The following DLG2 variants were observed in gnomAD, a reference collection of about 807,000 sequenced individuals.
DLG2 encodes the protein discs large MAGUK scaffold protein 2.
DLG2 carries 45 observed loss-of-function variants against 132.5 expected under a neutral mutation model. The observed-to-expected ratio is 0.34, with a 90% CI of 0.27 to 0.44. DLG2 has a LOEUF of 0.44. Ranked by LOEUF, DLG2 falls within the 20% of genes least tolerant of loss-of-function variation. DLG2 has a pLI of 1.00. For synonymous variants in DLG2, 424 were observed against 419.6 expected, an observed-to-expected ratio of 1.01 and a Z score of -0.13; for missense variants, 1,045 against 1,196.9, an observed-to-expected ratio of 0.87 and a Z score of 1.87.
chr11:85,312,384 C>T (rs2080369425), intron 3 of DLG2, among the ~76,000 whole-genome samples: 1 of 150,308 alleles, frequency 6.7e-6, no homozygotes, highest in South Asian at 2.1e-4. Flanking sequence ...AATTTATAAC[C>T]TTATAAGTAT....
chr11:84,804,216 G>A (rs2075746758), intron 6 of DLG2, among the ~76,000 whole-genome samples: 1 of 152,172 alleles, frequency 6.6e-6, no homozygotes, highest in African/African-American at 2.4e-5. Flanking sequence ...TTCAGACTGT[G>A]ACTACTGCCA....
intron 7 of DLG2, among the ~76,000 whole-genome samples, chr11:84,323,720 C>CTTTTTT (rs35283044): frequency 3.2e-5 from 4 of 123,770 alleles, no homozygotes; most frequent in African/African-American, 6.0e-5. Flanking sequence ...TTCTTTTTTC[C>CTTTTTT]TTTTTTTTTT....
intron 18 of DLG2, among the ~76,000 whole-genome samples, chr11:83,685,729 GACTCTTATATCC>G (rs2079624088): frequency 6.6e-6 from 1 of 151,956 alleles, no homozygotes; most frequent in African/African-American, 2.4e-5. Flanking sequence ...CTAAGCTCCA[GACTCTTATATCC>G]AGCTGCATAC....
chr11:84,698,464 G>T (rs955808951), intron 6 of DLG2, among the ~76,000 whole-genome samples: 1 of 151,422 alleles, frequency 6.6e-6, no homozygotes, highest in African/African-American at 2.4e-5. Flanking sequence ...ATAAGTGGCA[G>T]AACAAAGATT....
chr11:85,423,723 T>G (rs1433026372), intron 3 of DLG2, among the ~76,000 whole-genome samples: 1 of 152,094 alleles, frequency 6.6e-6, no homozygotes, highest in Non-Finnish European at 1.5e-5. Flanking sequence ...AAGCCAGCAG[T>G]CACAGATCTC....
chr11:85,128,241 A>C (rs1034713069), intron 5 of DLG2, among the ~76,000 whole-genome samples: 1 of 152,180 alleles, frequency 6.6e-6, no homozygotes, highest in Admixed American at 6.5e-5. Context: ...TTTCAAATGT[A>C]TAAGTATGGT....
At position 85,361,686 on chromosome 11, in the gene DLG2, C is replaced by G. The variant is rs145984349; in HGVS notation, c.41-76321G>C. ...AGTATCCACAGCATGTGCGTATATA[C>G]GCTGTTTTGGTCACTATAGCCTTGT... On this transcript the variant is annotated intron_variant, in intron 3 of 27. Transcript: ENST00000376104. Among the ~76,000 whole-genome samples the G allele has an allele frequency of 7.9e-4, 120 of 152,276 alleles. 1 individual carries two copies. The East Asian group carries it at 0.013, about 17-fold the overall frequency.
chr11:84,281,449 T>C (rs1268548926), intron 7 of DLG2, among the ~76,000 whole-genome samples: 2 of 151,992 alleles, frequency 1.3e-5, no homozygotes. Context: ...TTTTTTAAAA[T>C]TATTATTATA....
chr11:84,706,277 G>C (rs1453951949), intron 6 of DLG2, among the ~76,000 whole-genome samples: 1 of 151,796 alleles, frequency 6.6e-6, no homozygotes, highest in East Asian at 1.9e-4. Flanking sequence ...AATAGCACAA[G>C]GTGCTAACAC....
intron 6 of DLG2, among the ~76,000 whole-genome samples, chr11:85,069,309 G>C (rs890166240): frequency 2.0e-5 from 3 of 151,832 alleles, no homozygotes; most frequent in African/African-American, 7.3e-5. Context: ...AATGGGATCT[G>C]ATTAAACTAA....
intron 11 of DLG2, among the ~76,000 whole-genome samples, chr11:83,987,599 T>C (rs4944456): frequency 0.96 from 145,858 of 152,194 alleles, 69,934 homozygotes; most frequent in African/African-American, 0.99. Flanking sequence ...AATGGGGAAA[T>C]GATTCCCAAT....
chr11:84,909,872 G>A (rs1166861128), intron 6 of DLG2, among the ~76,000 whole-genome samples: 6 of 152,122 alleles, frequency 3.9e-5, no homozygotes, highest in South Asian at 2.1e-4. Flanking sequence ...ACCATCCCCC[G>A]CATACCCAGC....
chr11:84,890,340 C>T (rs746265493), intron 6 of DLG2, among the ~76,000 whole-genome samples: 1 of 152,118 alleles, frequency 6.6e-6, no homozygotes, highest in South Asian at 2.1e-4. Flanking sequence ...AGACATCAGG[C>T]AGATGATTAA....
At chr11:84,590,035 C>T (rs2099539051) in intron 6 of DLG2, among the ~76,000 whole-genome samples, 1 of 152,082 alleles carries the variant, frequency 6.6e-6, no homozygotes, top group Non-Finnish European at 1.5e-5. Context: ...TGGAAATGTT[C>T]ATCTTTAAAT....
At chr11:84,166,500 CAAAA>C (rs398016937) in intron 8 of DLG2, among the ~76,000 whole-genome samples, 1 of 81,036 alleles carries the variant, frequency 1.2e-5, no homozygotes, top group African/African-American at 4.8e-5. Flanking sequence ...GACTCTGCTT[CAAAA>C]AAAAAAAAAA....
chr11:84,762,685 T>G (rs1378334680), intron 6 of DLG2, among the ~76,000 whole-genome samples: 1 of 152,186 alleles, frequency 6.6e-6, no homozygotes, highest in Non-Finnish European at 1.5e-5. Context: ...GTCCATTCAT[T>G]TAGTCATTCA....
chr11:84,851,830 T>C (rs1426160274), intron 6 of DLG2, among the ~76,000 whole-genome samples: 1 of 151,834 alleles, frequency 6.6e-6, no homozygotes, highest in East Asian at 1.9e-4. Flanking sequence ...TTATTTAAAT[T>C]ATATTCTATA....
chr11:83,633,528 A>G (rs2063946982), intron 18 of DLG2, among the ~76,000 whole-genome samples: 1 of 152,098 alleles, frequency 6.6e-6, no homozygotes, highest in East Asian at 1.9e-4. Flanking sequence ...TATTTCCCAA[A>G]ACGTACCTGG....
intron 3 of DLG2, among the ~76,000 whole-genome samples, chr11:85,459,596 G>C (rs1229255297): frequency 6.6e-6 from 1 of 152,098 alleles, no homozygotes; most frequent in South Asian, 2.1e-4. Flanking sequence ...GCCTGGTAAA[G>C]AGTAAGGGGT....
Sources: allele counts gnomAD v4.1 joint callset (sites outside exome capture counted in the v4.1 genomes callset), GRCh38; gene constraint gnomAD v4.1.1; transcripts MANE v1.5; gene names NCBI Gene and HGNC (gene_info 2026-07-23, HGNC 2026-07-21).